Variants in WDR19 observed in about 807,000 individuals in gnomAD.
WDR19 encodes the protein WD repeat domain 19.
A neutral mutation model predicts 180.0 loss-of-function variants in WDR19; 121 were observed. The observed-to-expected ratio is 0.67, with a 90% confidence interval of 0.58 to 0.78. WDR19 has a LOEUF of 0.78. WDR19 is among the 30% of genes least tolerant of loss of function. WDR19 has a pLI of 0.00. For missense variants in WDR19, 1,450 were observed against 1,640.7 expected, an observed-to-expected ratio of 0.88 and a Z score of 2.01; for synonymous variants, 497 against 540.7, an observed-to-expected ratio of 0.92 and a Z score of 1.12.
rs746380673 is a variant in WDR19, at chr4:39,255,871, G to A, written c.3025G>A (p.Asp1009Asn). 1.2e-6 allele frequency: 2 copies of A among 1,602,700 alleles called. No individual in the cohort carries two copies. The highest frequency in any genetic ancestry group is 1.7e-6 in the Non-Finnish European group (2 of 1,174,434). ...IIGSEDTTNE[D>N]YQSIALYFEG... ...AGGTTCTGAAGACACTACTAATGAA[G>A]ACTATCAAAGCATTGCCTTATACTT... The change falls in exon 27 of 37, where the codon GAC becomes AAC. Residue 1009 changes from aspartate to asparagine, a missense_variant. Transcript: ENST00000399820.
At position 39,205,250 on chromosome 4, in the gene WDR19, A is replaced by G; in HGVS notation, c.700A>G (p.Ile234Val). The change falls in exon 8 of 37, where the codon ATT becomes GTT. Residue 234 changes from isoleucine to valine, a missense_variant. Coordinates refer to ENST00000399820, the MANE Select transcript of WDR19 (RefSeq NM_025132.4). ...DLEFQQDFGN[I>V]VCYNWYGDGR... ...TGAATTTCAGCAGGACTTTGGCAAC[A>G]TTGTCTGCTATAATTGGTATGTCTG... is the stretch of plus-strand genomic sequence containing the variant. The G allele has an allele frequency of 1.3e-6, 2 of 1,595,834 alleles. No homozygotes were observed. Among genetic ancestry groups the G allele is most frequent in the African/African-American group, 1.3e-5 (1 of 74,832 alleles).
intron 21 of WDR19, among the ~76,000 whole-genome samples, chr4:39,241,402 G>A (rs557053008): frequency 5.3e-5 from 8 of 150,142 alleles, no homozygotes; most frequent in South Asian, 2.1e-4. Flanking sequence ...CTGAGGTGGG[G>A]AGAATCGCTT....
At chr4:39,240,238 T>C in intron 20 of WDR19, 39 bp from the exon 21 acceptor site, 2 of 926,652 alleles carry the variant, frequency 2.2e-6, no homozygotes, top group South Asian at 5.1e-5. Flanking sequence ...CTAAAATATA[T>C]ATTAAAATTA....
At chr4:39,265,929 A>G (rs1470434963) in intron 28 of WDR19, 134 bp from the exon 29 acceptor site, 1 of 678,528 alleles carries the variant, frequency 1.5e-6, no homozygotes, top group Non-Finnish European at 2.5e-6. Flanking sequence ...ATCCTATGTC[A>G]TATTTCAGGC....
chr4:39,270,261 G>T (rs1735222040), intron 31 of WDR19, among the ~76,000 whole-genome samples, 161 bp downstream of exon 31: 1 of 152,226 alleles, frequency 6.6e-6, no homozygotes, highest in Admixed American at 6.5e-5. Context: ...ACGCTGCTTT[G>T]TGTGGAATGA....
chr4:39,258,530 G>A (rs774967685), intron 28 of WDR19, among the ~76,000 whole-genome samples: 70 of 152,030 alleles, frequency 4.6e-4, no homozygotes, highest in South Asian at 6.2e-4. Context: ...CCCTTACTCC[G>A]TTAATGGACT....
intron 28 of WDR19, among the ~76,000 whole-genome samples, chr4:39,258,722 T>A (rs1428866126): frequency 2.0e-5 from 3 of 152,208 alleles, no homozygotes; most frequent in African/African-American, 7.2e-5. Flanking sequence ...TTCAAAGGCA[T>A]GGCTTGCCTT....
rs1733485186 is a variant in WDR19 at position 39,253,760 on chromosome 4, C to CA, written c.2877-145dup. On this transcript the variant is annotated intron_variant, in intron 25 of 36. Transcript: ENST00000399820. ...CACCACTGCACTCCTGCCTGGGTGA[C>CA]AGAGTGTGACTCCATCTCAAAAAAA... 1.9e-5 allele frequency: 11 copies of CA among 566,814 alleles called. 1 individual carries two copies. In the South Asian group the frequency reaches 2.1e-4, roughly 11 times the overall value. The allele number at this position is 566,814 out of a possible 1,614,324, so 35.1% of individuals were successfully genotyped here. A position where few individuals can be genotyped will look rare whatever the true frequency, so the allele number is the denominator to read the frequency against.
intron 4 of WDR19, among the ~76,000 whole-genome samples, chr4:39,194,088 C>T (rs1268138364): frequency 6.6e-6 from 1 of 152,192 alleles, no homozygotes; most frequent in East Asian, 1.9e-4. Context: ...TTGAGCTACT[C>T]TTAATGGTGA....
At chr4:39,219,774 C>T (rs952484252) in intron 14 of WDR19, among the ~76,000 whole-genome samples, 9 of 152,100 alleles carry the variant, frequency 5.9e-5, no homozygotes, top group African/African-American at 1.9e-4. Context: ...CCCTAAATCT[C>T]CAAATATTAC....
chr4:39,201,308 A>G (rs1484237599), intron 6 of WDR19, among the ~76,000 whole-genome samples: 1 of 152,186 alleles, frequency 6.6e-6, no homozygotes, highest in Admixed American at 6.5e-5. Context: ...GAAATTTGTA[A>G]AGGACTTGAT....
intron 5 of WDR19, among the ~76,000 whole-genome samples, chr4:39,198,901 G>T (rs1363104579): frequency 6.6e-6 from 1 of 151,908 alleles, no homozygotes; most frequent in Non-Finnish European, 1.5e-5. Context: ...GGGAGGCTGA[G>T]GCGGAAGAAT....
chr4:39,230,892 G>A (rs1243271585), intron 17 of WDR19, among the ~76,000 whole-genome samples: 2 of 152,170 alleles, frequency 1.3e-5, no homozygotes, highest in Non-Finnish European at 2.9e-5. Flanking sequence ...TTAAACCAGA[G>A]GTCGGAAAAC....
intron 33 of WDR19, 102 bp downstream of exon 33, chr4:39,275,060 C>T: frequency 7.0e-7 from 1 of 1,435,828 alleles, no homozygotes; most frequent in Non-Finnish European, 9.5e-7. Flanking sequence ...CGGTGGGGGG[C>T]CAGGTGCAGT....
At position 39,189,746 on chromosome 4, in the gene WDR19, C is replaced by A. The variant is rs762839914; in HGVS notation, c.255C>A (p.Asn85Lys). The A allele has an allele frequency of 6.8e-6, 11 of 1,610,850 alleles. No individual in the cohort carries two copies. Among genetic ancestry groups the A allele is most frequent in the Non-Finnish European group, 6.8e-6 (8 of 1,178,888 alleles). ...GCTGCATTTATCTTTGGGATGCCAA[C>A]ACAAATAAGACCAGCCAGTTAGACA... Reference protein sequence around the residue: ...KSSCIYLWDANTNKTSQLDNG... With the variant: ...KSSCIYLWDAKTNKTSQLDNG... Residue 85 changes from asparagine (N) to lysine (K), a missense_variant, in exon 4 of 37, where the codon AAC becomes AAA. Asn to Lys is a moderately conservative substitution (Grantham distance 94). Coordinates refer to ENST00000399820, the MANE Select transcript of WDR19 (RefSeq NM_025132.4).
chr4:39,217,983 A>G lies in WDR19; in HGVS notation c.1357A>G (p.Ile453Val). ...GCCATTATTATTCTTTACGTTTTAG[A>G]TAGAAAGCGAAATCTTGGATGCTCA... The part of the protein sequence containing the change: ...LFEGKVQLHL[I>V]ESEILDAQEE... Residue 453 changes from isoleucine (I) to valine (V), a missense_variant and splice_region_variant, in exon 14 of 37, where the codon ATA becomes GTA. Transcript: ENST00000399820. 2 of 1,613,504 alleles carry G rather than the reference A, an allele frequency of 1.2e-6. No homozygotes were observed. The highest frequency in any genetic ancestry group is 2.2e-5 in the South Asian group (2 of 90,964).
chr4:39,202,134 A>G (rs773777390), intron 6 of WDR19, among the ~76,000 whole-genome samples: 17 of 152,238 alleles, frequency 1.1e-4, no homozygotes, highest in Non-Finnish European at 2.1e-4. Context: ...TCTGTTTTTC[A>G]GGAGCGTCTG....
In WDR19 at chr4:39,255,872, A is replaced by C. The variant is rs1314784717; in HGVS notation, c.3026A>C (p.Asp1009Ala). ...IIGSEDTTNE[D>A]YQSIALYFEG... The stretch of plus-strand genomic sequence containing the variant: ...GGTTCTGAAGACACTACTAATGAAG[A>C]CTATCAAAGCATTGCCTTATACTTT... Residue 1009 changes from aspartate to alanine, a missense_variant, in exon 27 of 37, where the codon GAC (aspartate) becomes GCC (alanine). By Grantham distance (126) the Asp-to-Ala change is moderately radical (BLOSUM62 -2). Coordinates refer to ENST00000399820, the MANE Select transcript of WDR19 (RefSeq NM_025132.4). 3 of 1,603,390 alleles carry C rather than the reference A, an allele frequency of 1.9e-6. No homozygotes were observed. In the East Asian group the frequency reaches 6.7e-5, roughly 36 times the overall value.
intron 28 of WDR19, among the ~76,000 whole-genome samples, chr4:39,262,719 A>G (rs1250012402): frequency 6.6e-6 from 1 of 152,104 alleles, no homozygotes; most frequent in East Asian, 1.9e-4. Flanking sequence ...TGGTCTAAGC[A>G]CTTTGAATGT....
Sources: gnomAD v4.1 joint callset for allele counts (sites outside exome capture counted in the v4.1 genomes callset) on GRCh38, gnomAD v4.1.1 for gene constraint, MANE v1.5 for transcripts, NCBI Gene and HGNC (gene_info 2026-07-23, HGNC 2026-07-21) for gene names.